Variants in KSR2 observed in about 807,000 individuals in gnomAD.
The protein encoded by KSR2 is kinase suppressor of ras 2.
KSR2 carries 25 observed loss-of-function variants against 107.8 expected under a neutral mutation model. The observed-to-expected ratio is 0.23, with a 90% confidence interval of 0.17 to 0.32. The LOEUF (loss-of-function observed/expected upper bound fraction) is 0.32. KSR2 is among the 10% of genes least tolerant of loss of function. The pLI is 1.00. For missense variants in KSR2, 887 were observed against 1,268.9 expected (o/e 0.70, Z 4.57); for synonymous variants, 480 against 507.0 (o/e 0.95, Z 0.71).
rs1426816346 is a variant in KSR2, at chr12:117,463,288, C to T, written c.*3911G>A. 6.6e-6 allele frequency: 1 copy of T among 152,190 alleles called. No homozygotes were observed. Among genetic ancestry groups the T allele is most frequent in the Non-Finnish European group, 1.5e-5 (1 of 68,078 alleles). The allele number at this position is 152,190 out of a possible 1,614,324, so 9.4% of individuals were successfully genotyped here. A position where few individuals can be genotyped will look rare whatever the true frequency, so the allele number is the denominator to read the frequency against. On this transcript the variant is annotated 3_prime_UTR_variant, in exon 20 of 20. Transcript: ENST00000339824. ...GCAAGCTGGCCTTCTTCCGCTGAAA[C>T]AAGTTCTCTCCCCCTCCAACTTCCT...
chr12:117,639,835 T>C (rs1471809670), intron 5 of KSR2, among the ~76,000 whole-genome samples: 1 of 151,918 alleles, frequency 6.6e-6, no homozygotes, highest in Non-Finnish European at 1.5e-5. Flanking sequence ...TCCAAACAGA[T>C]GGATCAGGAG....
At chr12:117,798,973 G>T (rs1162725220) in intron 3 of KSR2, among the ~76,000 whole-genome samples, 1 of 152,166 alleles carries the variant, frequency 6.6e-6, no homozygotes, top group Non-Finnish European at 1.5e-5. Context: ...CTGAGTGAAA[G>T]AAGCCAGACA....
At chr12:117,833,625 T>C (rs1892069824) in intron 3 of KSR2, among the ~76,000 whole-genome samples, 1 of 152,106 alleles carries the variant, frequency 6.6e-6, no homozygotes, top group South Asian at 2.1e-4. Flanking sequence ...CAAGCAAGCC[T>C]CCCAAGTCAC....
At position 117,461,783 on chromosome 12, in the gene KSR2, G is replaced by C. The variant is rs996418911; in HGVS notation, c.*5416C>G. On this transcript the variant is annotated 3_prime_UTR_variant, in exon 20 of 20. Coordinates refer to ENST00000339824, the MANE Select transcript of KSR2 (RefSeq NM_173598.6). ...AGGTGGTACGGGAGGAGGTGAGGCTGGGAGCCAGGGAGAGTGGCCACATGA... is the reference window on the plus strand; with the variant it reads ...AGGTGGTACGGGAGGAGGTGAGGCTCGGAGCCAGGGAGAGTGGCCACATGA... 1 of 152,724 alleles carries C rather than the reference G, an allele frequency of 6.5e-6. No homozygotes were observed. Among genetic ancestry groups the C allele is most frequent in the African/African-American group, 2.4e-5 (1 of 41,448 alleles). 9.5% of individuals were successfully genotyped at this position (152,724 alleles called of 1,614,324 possible). A position where few individuals can be genotyped will look rare whatever the true frequency, so the allele number is the denominator to read the frequency against.
chr12:117,600,280 A>ATCT (rs1288806637), intron 5 of KSR2, among the ~76,000 whole-genome samples: 1 of 152,202 alleles, frequency 6.6e-6, no homozygotes, highest in East Asian at 1.9e-4. Flanking sequence ...CTAACGTGCA[A>ATCT]TCTTCCCAGG....
intron 1 of KSR2, among the ~76,000 whole-genome samples, chr12:117,900,001 C>A (rs867291814): frequency 2.6e-5 from 4 of 152,210 alleles, no homozygotes; most frequent in Admixed American, 6.5e-5. Flanking sequence ...AGAAGCAGAT[C>A]TCCCCCAGTC....
intron 4 of KSR2, among the ~76,000 whole-genome samples, chr12:117,689,365 C>G (rs1471127179): frequency 2.0e-5 from 3 of 152,128 alleles, no homozygotes; most frequent in East Asian, 1.9e-4. Context: ...TTATAGAACA[C>G]TATTCAGTCA....
At position 117,496,052 on chromosome 12, in the gene KSR2, CAAAA is replaced by C. The variant is rs33974181; in HGVS notation, c.2220-10365_2220-10362del. 2.8e-3 allele frequency among the ~76,000 whole-genome samples: 312 copies of C among 113,174 alleles called. 4 individuals are homozygous for C. The highest frequency in any genetic ancestry group is 8.8e-3 in the African/African-American group (269 of 30,396). The allele number at this position is 113,174 out of a possible 152,430, so 74.2% of individuals were successfully genotyped here. A position where few individuals can be genotyped will look rare whatever the true frequency, so the allele number is the denominator to read the frequency against. On this transcript the variant is annotated intron_variant, in intron 14 of 19. Coordinates refer to ENST00000339824, the MANE Select transcript of KSR2 (RefSeq NM_173598.6). Reference sequence around the variant, plus strand: ...CTGGCAACAGAGGGAGACTCCGTCTCAAAAAAAAAAAAAAAAAAAAGAGGTCAGA... The same window carrying C: ...CTGGCAACAGAGGGAGACTCCGTCTCAAAAAAAAAAAAAAAAGAGGTCAGA...
chr12:117,641,362 G>T (rs1358383228), intron 5 of KSR2, among the ~76,000 whole-genome samples: 1 of 152,056 alleles, frequency 6.6e-6, no homozygotes, highest in African/African-American at 2.4e-5. Context: ...GCCTCCCAAG[G>T]TTAGAAGTTT....
chr12:117,807,126 C>T (rs1034029806), intron 3 of KSR2, among the ~76,000 whole-genome samples: 4 of 152,114 alleles, frequency 2.6e-5, no homozygotes, highest in African/African-American at 7.2e-5. Flanking sequence ...CCTGATCAAA[C>T]CTAACAGGAG....
At chr12:117,877,660 G>GT (rs1022139145) in intron 1 of KSR2, among the ~76,000 whole-genome samples, 2 of 152,170 alleles carry the variant, frequency 1.3e-5, no homozygotes, top group African/African-American at 4.8e-5. Context: ...GAAGCACAGA[G>GT]TAACAATGGA....
At chr12:117,621,902 G>C (rs756059074) in intron 5 of KSR2, among the ~76,000 whole-genome samples, 1 of 152,046 alleles carries the variant, frequency 6.6e-6, no homozygotes, top group Non-Finnish European at 1.5e-5. Flanking sequence ...ACAGCTCCAT[G>C]CTGTAGCTGC....
chr12:117,782,935 C>T (rs1046405038), intron 3 of KSR2, among the ~76,000 whole-genome samples: 2 of 151,914 alleles, frequency 1.3e-5, no homozygotes, highest in African/African-American at 4.8e-5. Context: ...ACATAATAAT[C>T]GCAAAAAATG....
At chr12:117,852,858 G>A (rs1047371533) in intron 3 of KSR2, among the ~76,000 whole-genome samples, 3 of 152,142 alleles carry the variant, frequency 2.0e-5, no homozygotes, top group Non-Finnish European at 4.4e-5. Context: ...CTGCAGTGCA[G>A]TGGCACAATC....
At chr12:117,682,086 C>T (rs1195557005) in intron 4 of KSR2, among the ~76,000 whole-genome samples, 1 of 152,088 alleles carries the variant, frequency 6.6e-6, no homozygotes, top group African/African-American at 2.4e-5. Context: ...TACCATGCAG[C>T]CATAAAAAGA....
rs547729431 is a variant in KSR2 at position 117,782,369 on chromosome 12, T to A, written c.473-20845A>T. On this transcript the variant is annotated intron_variant, in intron 3 of 19. Coordinates refer to ENST00000339824, the MANE Select transcript of KSR2 (RefSeq NM_173598.6). ...GCCTCAACCTTGTAGGCTCAACCGA[T>A]CCTCCCACCTTGGTCTCCCGAGTAG... is the stretch of plus-strand genomic sequence containing the variant. Among the ~76,000 whole-genome samples the A allele has an allele frequency of 2.0e-5, 3 of 152,280 alleles. No individual in the cohort carries two copies. In the East Asian group the frequency reaches 5.8e-4, roughly 29 times the overall value.
intron 1 of KSR2, among the ~76,000 whole-genome samples, chr12:117,885,519 T>C (rs1426936146): frequency 6.6e-6 from 1 of 152,154 alleles, no homozygotes; most frequent in Non-Finnish European, 1.5e-5. Flanking sequence ...AAAGTGTGTG[T>C]CTGTTTTTTT....
At chr12:117,820,019 G>GA (rs142438529) in intron 3 of KSR2, among the ~76,000 whole-genome samples, 6,742 of 152,250 alleles carry the variant, frequency 0.044, 189 homozygotes, top group Middle Eastern at 0.068. Flanking sequence ...AGACTCACCG[G>GA]AAAATGCGAA....
intron 1 of KSR2, among the ~76,000 whole-genome samples, chr12:117,932,573 G>A (rs1358224733): frequency 6.6e-6 from 1 of 152,044 alleles, no homozygotes. Context: ...AAAAAAAGTA[G>A]TAGCCAGGTG....
Sources: gnomAD v4.1 joint callset for allele counts (sites outside exome capture counted in the v4.1 genomes callset) on GRCh38, gnomAD v4.1.1 for gene constraint, MANE v1.5 for transcripts, NCBI Gene and HGNC (gene_info 2026-07-23, HGNC 2026-07-21) for gene names.